Variants in TTC7B observed in about 807,000 individuals in gnomAD.
TTC7B encodes tetratricopeptide repeat domain 7B.
A neutral mutation model predicts 106.8 loss-of-function variants in TTC7B; 28 were observed. That is an observed-to-expected ratio of 0.26 (90% CI 0.19 to 0.36). The LOEUF is 0.36. TTC7B is among the 10% of genes least tolerant of loss of function. The pLI is 1.00. For missense variants in TTC7B, 862 were observed against 1,076.4 expected (o/e 0.80, Z 2.79); for synonymous variants, 405 against 430.6 (o/e 0.94, Z 0.74).
intron 15 of TTC7B, among the ~76,000 whole-genome samples, chr14:90,626,134 T>A (rs1274584969): frequency 1.3e-5 from 2 of 152,104 alleles, no homozygotes; most frequent in South Asian, 2.1e-4. Flanking sequence ...TAACTCTCCA[T>A]CCTAACCTGC....
intron 18 of TTC7B, among the ~76,000 whole-genome samples, chr14:90,581,751 A>AAT (rs1362196350): frequency 6.6e-6 from 1 of 152,234 alleles, no homozygotes; most frequent in African/African-American, 2.4e-5. Context: ...AATGCCAATA[A>AAT]GACTGTGTGC....
At chr14:90,767,511 G>A (rs1890729594) in intron 3 of TTC7B, among the ~76,000 whole-genome samples, 3 of 152,164 alleles carry the variant, frequency 2.0e-5, no homozygotes, top group Admixed American at 6.5e-5. Flanking sequence ...CATTATAAGA[G>A]AGGAAGTCCA....
At chr14:90,589,448 A>G (rs1435305763) in intron 18 of TTC7B, among the ~76,000 whole-genome samples, 1 of 152,230 alleles carries the variant, frequency 6.6e-6, no homozygotes, top group African/African-American at 2.4e-5. Context: ...TACTTAAAAT[A>G]CCTAATACAA....
chr14:90,734,715 C>T (rs1889454338), intron 4 of TTC7B, among the ~76,000 whole-genome samples: 1 of 152,050 alleles, frequency 6.6e-6, no homozygotes, highest in South Asian at 2.1e-4. Flanking sequence ...GAATTCCCAC[C>T]ACAGCACTCC....
chr14:90,677,920 G>A (rs1288750473), intron 8 of TTC7B: 7 of 417,752 alleles, frequency 1.7e-5, no homozygotes, highest in Non-Finnish European at 3.3e-5. Flanking sequence ...AAACAAGCCT[G>A]CTTTTGAAGA....
Position 90,541,387 on chromosome 14 carries a change from A to G in TTC7B, c.2513T>C (p.Ile838Thr). Residue 838 changes from isoleucine to threonine, a missense_variant, in exon 20 of 20, where the codon ATC becomes ACC. Ile to Thr is a moderately conservative substitution (Grantham distance 89, BLOSUM62 -1). Coordinates refer to ENST00000328459, the MANE Select transcript of TTC7B (RefSeq NM_001010854.2). Reference sequence around the variant, plus strand: ...GCCTGCTCAGAGCACGCGGGGGATGATGGTGAAGGGCACGGCGGGGCTGCT... The same window carrying G: ...GCCTGCTCAGAGCACGCGGGGGATGGTGGTGAAGGGCACGGCGGGGCTGCT... ...EASSPAVPFTIIPRVL is the reference protein window; with the variant it reads ...EASSPAVPFTTIPRVL The G allele has an allele frequency of 6.2e-7, 1 of 1,610,462 alleles. No homozygotes were observed.
chr14:90,789,652 T>C (rs1348118517), intron 1 of TTC7B, among the ~76,000 whole-genome samples: 1 of 20,802 alleles, frequency 4.8e-5, no homozygotes. Context: ...TCCCAGCACT[T>C]TTAGGAGGCC....
At chr14:90,627,292 A>G (rs760402228) in intron 15 of TTC7B, among the ~76,000 whole-genome samples, 1 of 152,040 alleles carries the variant, frequency 6.6e-6, no homozygotes, top group Non-Finnish European at 1.5e-5. Context: ...GGCCCATGTG[A>G]ACACATTTAA....
At chr14:90,691,192 A>C (rs1887454946) in intron 6 of TTC7B, among the ~76,000 whole-genome samples, 1 of 152,210 alleles carries the variant, frequency 6.6e-6, no homozygotes, top group Non-Finnish European at 1.5e-5. Context: ...AAGGAAAAAA[A>C]ATGAACGAGG....
At position 90,578,195 on chromosome 14, in the gene TTC7B, C is replaced by T; in HGVS notation, c.2221G>A (p.Glu741Lys). The T allele has an allele frequency of 6.2e-7, 1 of 1,614,182 alleles. No homozygotes were observed. The highest frequency in any genetic ancestry group is 8.5e-7 in the Non-Finnish European group (1 of 1,180,030). The change falls in exon 19 of 20, where the codon GAG becomes AAG. Residue 741 changes from glutamate (E) to lysine (K), a missense_variant. Glu to Lys is a moderately conservative substitution (Grantham distance 56). Transcript: ENST00000328459. The surrounding 1 kb of genome is among the most constrained non-coding windows in gnomAD (Gnocchi z 4.7). ...GCCTCGTCCATGCTTCCCCGGAGCT[C>T]AGCAATCTGGCCGCGCATGTAGAGG... ...NVLYMRGQIA[E>K]LRGSMDEARR...
At chr14:90,661,183 G>A (rs942515300) in intron 9 of TTC7B, among the ~76,000 whole-genome samples, 2 of 152,224 alleles carry the variant, frequency 1.3e-5, no homozygotes, top group South Asian at 2.1e-4. Context: ...CTTGCAGGGG[G>A]AACCAAATAA....
intron 15 of TTC7B, among the ~76,000 whole-genome samples, chr14:90,634,696 C>T (rs1318129766): frequency 2.6e-5 from 4 of 152,030 alleles, no homozygotes; most frequent in South Asian, 2.1e-4. Context: ...CGCTTGAACC[C>T]GAGAGGCAGA....
chr14:90,783,601 A>G (rs576054425), intron 2 of TTC7B, among the ~76,000 whole-genome samples: 1 of 152,370 alleles, frequency 6.6e-6, no homozygotes, highest in African/African-American at 2.4e-5. Context: ...CACACAGCTT[A>G]TAAATCCAGA....
intron 1 of TTC7B, among the ~76,000 whole-genome samples, chr14:90,814,933 C>T (rs2031090584): frequency 6.6e-6 from 1 of 152,212 alleles, no homozygotes; most frequent in African/African-American, 2.4e-5. Context: ...CCACAGCATG[C>T]ATCCATCATT....
intron 9 of TTC7B, among the ~76,000 whole-genome samples, chr14:90,667,913 G>A (rs527950957): frequency 1.1e-4 from 16 of 152,270 alleles, no homozygotes; most frequent in African/African-American, 3.9e-4. Context: ...TAGATCACCA[G>A]CTGGATAAAA....
chr14:90,610,609 G>A (rs1892830186), intron 17 of TTC7B, 133 bp downstream of exon 17: 13 of 683,420 alleles, frequency 1.9e-5, no homozygotes, highest in Non-Finnish European at 3.2e-5. Flanking sequence ...ATGCACCTCG[G>A]TTGAGTGTTT....
chr14:90,803,386 G>T lies in TTC7B; in HGVS notation c.121+12789C>A, dbSNP rs1397638722. ...ATCAATATATCTCCCCTTCACAGAT[G>T]GAGCCCAACCAAGCAGGCTGGCCTC... On this transcript the variant is annotated intron_variant, in intron 1 of 19. Coordinates refer to ENST00000328459, the MANE Select transcript of TTC7B (RefSeq NM_001010854.2). 1.3e-5 allele frequency among the ~76,000 whole-genome samples: 2 copies of T among 152,156 alleles called. 1 individual carries two copies. Among genetic ancestry groups the T allele is most frequent in the Non-Finnish European group, 2.9e-5 (2 of 68,022 alleles).
At chr14:90,785,738 C>A (rs929189040) in intron 2 of TTC7B, among the ~76,000 whole-genome samples, 1 of 152,120 alleles carries the variant, frequency 6.6e-6, no homozygotes, top group African/African-American at 2.4e-5. Flanking sequence ...TGACGCCAGG[C>A]CTGCTGGCAC....
intron 17 of TTC7B, among the ~76,000 whole-genome samples, chr14:90,607,852 G>A (rs1347106699): frequency 1.3e-5 from 2 of 152,140 alleles, no homozygotes; most frequent in Admixed American, 6.5e-5. Context: ...TTATGTAAAG[G>A]GGCAGAGGAA....
Sources: gnomAD v4.1 joint callset for allele counts (sites outside exome capture counted in the v4.1 genomes callset) on GRCh38, gnomAD v4.1.1 for gene constraint, Gnocchi (gnomAD v3.1) non-coding constraint, MANE v1.5 for transcripts, NCBI Gene and HGNC (gene_info 2026-07-23, HGNC 2026-07-21) for gene names.